The following REDIC1 variants were observed in gnomAD, a reference collection of about 807,000 sequenced individuals.
The protein encoded by REDIC1 is HEI10 Interacting Protein 1.
the REDIC1 span, among the ~76,000 whole-genome samples, chr12:39,903,583 A>C: frequency 1.3e-5 from 2 of 152,030 alleles, no homozygotes; most frequent in Non-Finnish European, 2.9e-5. Context: ...GGCAAAAACC[A>C]AACTCATGAG....
the REDIC1 span, among the ~76,000 whole-genome samples, chr12:39,886,102 C>A: frequency 6.6e-6 from 1 of 152,166 alleles, no homozygotes; most frequent in East Asian, 1.9e-4. Context: ...AGTGAACAGA[C>A]CTTTCAATTG....
chr12:39,650,162 C>A, the REDIC1 span: 1 of 1,298,386 alleles, frequency 7.7e-7, no homozygotes, highest in Non-Finnish European at 1.0e-6. The surrounding 1 kb of genome is among the most constrained non-coding windows in gnomAD (Gnocchi z 4.3). Flanking sequence ...ATTTACATGA[C>A]ATTTTATGGT....
At chr12:39,730,896 T>G in the REDIC1 span, among the ~76,000 whole-genome samples, 1 of 152,226 alleles carries the variant, frequency 6.6e-6, no homozygotes, top group Non-Finnish European at 1.5e-5. Context: ...TTTATTTCAT[T>G]AAGTTGATCT....
chr12:39,684,003 T>C, the REDIC1 span: 1 of 325,922 alleles, frequency 3.1e-6, no homozygotes, highest in Non-Finnish European at 4.4e-6. Flanking sequence ...ACTCTTCTCA[T>C]TGCCAACATT....
chr12:39,633,022 T>C, the REDIC1 span, among the ~76,000 whole-genome samples: 1 of 152,066 alleles, frequency 6.6e-6, no homozygotes, highest in African/African-American at 2.4e-5. Context: ...TTTCTTTCTT[T>C]AGTAATAAAT....
At chr12:39,719,977 GT>G in the REDIC1 span, among the ~76,000 whole-genome samples, 6 of 151,508 alleles carry the variant, frequency 4.0e-5, no homozygotes, top group Non-Finnish European at 7.4e-5. Context: ...TTTATATTTA[GT>G]TTTTTATATT....
At chr12:39,690,001 T>C in the REDIC1 span, among the ~76,000 whole-genome samples, 3 of 152,144 alleles carry the variant, frequency 2.0e-5, no homozygotes, top group African/African-American at 7.2e-5. Context: ...AGAGCAGGTA[T>C]GGGGACTTTA....
At chr12:39,633,418 A>C in the REDIC1 span, among the ~76,000 whole-genome samples, 1 of 152,350 alleles carries the variant, frequency 6.6e-6, no homozygotes, top group East Asian at 1.9e-4. Flanking sequence ...TCCTATGATA[A>C]CAATGCCTTC....
chr12:39,636,762 A>C, the REDIC1 span, among the ~76,000 whole-genome samples: 7 of 152,076 alleles, frequency 4.6e-5, no homozygotes, highest in Non-Finnish European at 5.9e-5. Context: ...AAAAGAAGCA[A>C]AAAAGAACAA....
the REDIC1 span, among the ~76,000 whole-genome samples, chr12:39,737,993 A>G: frequency 6.6e-6 from 1 of 152,230 alleles, no homozygotes; most frequent in Middle Eastern, 3.2e-3. Flanking sequence ...AGTAACACAG[A>G]GAATAACTTG....
the REDIC1 span, among the ~76,000 whole-genome samples, chr12:39,820,926 C>CCACT: frequency 6.6e-6 from 1 of 151,760 alleles, no homozygotes; most frequent in Non-Finnish European, 1.5e-5. Flanking sequence ...GAACCTAAAG[C>CCACT]CACTCACATT....
At chr12:39,814,685 G>A in the REDIC1 span, among the ~76,000 whole-genome samples, 2 of 152,104 alleles carry the variant, frequency 1.3e-5, no homozygotes, top group Admixed American at 6.6e-5. Context: ...ATACAATTAC[G>A]TCTGCTATCC....
At chr12:39,684,014 T>C in the REDIC1 span, 1 of 409,096 alleles carries the variant, frequency 2.4e-6, no homozygotes, top group Admixed American at 6.2e-5. Context: ...TGCCAACATT[T>C]ACCTCTCAGA....
the REDIC1 span, among the ~76,000 whole-genome samples, chr12:39,765,930 A>C: frequency 6.6e-6 from 1 of 151,972 alleles, no homozygotes; most frequent in African/African-American, 2.4e-5. Flanking sequence ...CTCTGTGTCC[A>C]TGTGTTCTCA....
chr12:39,789,702 G>A, the REDIC1 span, among the ~76,000 whole-genome samples: 421 of 152,214 alleles, frequency 2.8e-3, 1 homozygote, highest in African/African-American at 9.9e-3. Context: ...CTACAACCTA[G>A]CCAACATTTC....
the REDIC1 span, chr12:39,692,091 C>G: frequency 6.4e-7 from 1 of 1,574,562 alleles, no homozygotes; most frequent in Admixed American, 1.8e-5. Context: ...AAAAAGCAAG[C>G]GAATATCTAC....
the REDIC1 span, among the ~76,000 whole-genome samples, chr12:39,655,547 C>T: frequency 6.6e-6 from 1 of 152,170 alleles, no homozygotes; most frequent in African/African-American, 2.4e-5. Flanking sequence ...TTTATCAAAG[C>T]TCATTATGAC....
chr12:39,712,090 A>AGG, the REDIC1 span, among the ~76,000 whole-genome samples: 3 of 137,668 alleles, frequency 2.2e-5, no homozygotes, highest in African/African-American at 8.1e-5. Context: ...GTATATATAC[A>AGG]TACATATATA....
At chr12:39,799,606 G>A in the REDIC1 span, among the ~76,000 whole-genome samples, 2 of 152,110 alleles carry the variant, frequency 1.3e-5, no homozygotes, top group Admixed American at 1.3e-4. Context: ...CAAACCAGGG[G>A]TTAGCTAAAA....
Sources: allele counts gnomAD v4.1 joint callset (sites outside exome capture counted in the v4.1 genomes callset), GRCh38; gene constraint gnomAD v4.1.1; non-coding constraint Gnocchi (gnomAD v3.1); transcripts MANE v1.5; gene names NCBI Gene and HGNC (gene_info 2026-07-23, HGNC 2026-07-21).